Variants in RP1L1 observed in about 807,000 individuals in gnomAD.
RP1L1 encodes the protein RP1 like 1.
Under a neutral mutation model 15.7 loss-of-function variants are expected in RP1L1, and 27 were observed. The ratio of observed to expected loss-of-function variants is 1.72; its 90% CI spans 1.27 to 2.38. The LOEUF (loss-of-function observed/expected upper bound fraction) is 2.38. Among genes scored for constraint, RP1L1 ranks in the 30% most tolerant of loss-of-function variants. RP1L1 has a pLI of 0.00. For missense variants in RP1L1, 4,798 were observed against 3,075.9 expected (o/e 1.56, Z -13.24); for synonymous variants, 1,813 against 1,276.7 (o/e 1.42, Z -8.96).
chr8:10,622,548 G>T (rs571180975), intron 2 of RP1L1, 45 bp downstream of exon 2: 18 of 1,613,220 alleles, frequency 1.1e-5, no homozygotes, highest in Non-Finnish European at 1.4e-5. Context: ...TTGACCTCAG[G>T]TCTAAAGAAC....
At position 10,611,208 on chromosome 8, in the gene RP1L1, T is replaced by C. The variant is rs374936019; in HGVS notation, c.2890A>G (p.Ile964Val). ...EAVVREWLDN[I>V]PEEPILMTYE... ...GTCATGAGTATGGGCTCTTCTGGAATGTTGTCCAGCCATTCGCGGACCACA... is the reference window on the plus strand; with the variant it reads ...GTCATGAGTATGGGCTCTTCTGGAACGTTGTCCAGCCATTCGCGGACCACA... The change falls in exon 4 of 4, where the codon ATT becomes GTT. Residue 964 changes from isoleucine to valine, a missense_variant. By Grantham distance (29) the Ile-to-Val change is conservative (BLOSUM62 3). Coordinates refer to ENST00000382483, the MANE Select transcript of RP1L1 (RefSeq NM_178857.6). The C allele has an allele frequency of 1.9e-6, 3 of 1,612,962 alleles. No individual in the cohort carries two copies. The highest frequency in any genetic ancestry group is 2.7e-5 in the African/African-American group (2 of 75,052).
intron 1 of RP1L1, among the ~76,000 whole-genome samples, chr8:10,639,125 C>T (rs1475518726): frequency 6.7e-6 from 1 of 149,878 alleles, no homozygotes; most frequent in Admixed American, 6.7e-5. Flanking sequence ...GCCTGGATGA[C>T]AGGGTGAGAC....
In RP1L1 at chr8:10,607,670, G is replaced by C. The variant is rs773981339; in HGVS notation, c.6428C>G (p.Pro2143Arg). The C allele has an allele frequency of 1.3e-6, 2 of 1,588,700 alleles. No individual in the cohort carries two copies. Among genetic ancestry groups the C allele is most frequent in the South Asian group, 2.2e-5 (2 of 89,240 alleles). The change falls in exon 4 of 4, where the codon CCT becomes CGT. Residue 2143 changes from proline (P) to arginine (R), a missense_variant. By Grantham distance (103) the Pro-to-Arg change is moderately radical. Coordinates refer to ENST00000382483, the MANE Select transcript of RP1L1 (RefSeq NM_178857.6). ...CTGGGCCTCTACACCTTCTGACTCA[G>C]GCTGGGCCTCCCCTTCAGCCTCTGG... Reference protein sequence around the residue: ...EAPEAEGEAQPESEGVEAQDA... With the variant: ...EAPEAEGEAQRESEGVEAQDA...
chr8:10,624,645 G>A (rs1798128243), intron 1 of RP1L1, among the ~76,000 whole-genome samples: 1 of 150,254 alleles, frequency 6.7e-6, no homozygotes, highest in African/African-American at 2.5e-5. Flanking sequence ...TTTGCAAGCT[G>A]GGGTGGAAGG....
In RP1L1 at chr8:10,608,061, C is replaced by A. The variant is rs754597388; in HGVS notation, c.6037G>T (p.Glu2013Ter). 8 of 1,612,002 alleles carry A rather than the reference C, an allele frequency of 5.0e-6. No homozygotes were observed. The African/African-American group carries it at 9.4e-5, about 19-fold the overall frequency. ...PEAEGEMQEA[E>*]EEAQPESDGV... Reference sequence around the variant, plus strand: ...TCTGACTCTGGCTGGGCCTCCTCTTCTGCCTCTTGCATCTCCCCTTCAGCC... The same window carrying A: ...TCTGACTCTGGCTGGGCCTCCTCTTATGCCTCTTGCATCTCCCCTTCAGCC... The change falls in exon 4 of 4, where the codon GAA (glutamate) becomes TAA (stop). Residue 2013 changes from glutamate (E) to a stop codon, truncating the protein, a stop_gained. Transcript: ENST00000382483. LOFTEE classifies it low-confidence loss of function (END_TRUNC).
At chr8:10,624,080 A>G (rs890479784) in intron 1 of RP1L1, among the ~76,000 whole-genome samples, 2 of 152,186 alleles carry the variant, frequency 1.3e-5, no homozygotes, top group African/African-American at 2.4e-5. Context: ...TCTTGCAGCC[A>G]TGGGGAAGGA....
rs765708710 is a variant in RP1L1, at chr8:10,623,162, G to C, written c.40C>G (p.Arg14Gly). ...TPRNAQAPSHRECFLPSVART... is the reference protein window; with the variant it reads ...TPRNAQAPSHGECFLPSVART... ...GCCACAGAGGGCAGGAAGCACTCAC[G>C]GTGGCTCGGGGCCTGGGCATTCCTG... is the stretch of plus-strand genomic sequence containing the variant. Residue 14 changes from arginine (R) to glycine (G), a missense_variant, in exon 2 of 4, where the codon CGT becomes GGT. By Grantham distance (125) the Arg-to-Gly change is moderately radical (BLOSUM62 -2). Coordinates refer to ENST00000382483, the MANE Select transcript of RP1L1 (RefSeq NM_178857.6). 1 of 1,587,622 alleles carries C rather than the reference G, an allele frequency of 6.3e-7. No individual in the cohort carries two copies. Among genetic ancestry groups the C allele is most frequent in the Non-Finnish European group, 8.6e-7 (1 of 1,165,734 alleles).
rs371377638 is a variant in RP1L1 at position 10,623,167 on chromosome 8, C to A, written c.35G>T (p.Ser12Ile). 2.5e-6 allele frequency: 4 copies of A among 1,584,088 alleles called. No individual in the cohort carries two copies. In the African/African-American group the frequency reaches 5.4e-5, roughly 21 times the overall value. ...NSTPRNAQAP[S>I]HRECFLPSVA... is the part of the protein sequence containing the mutation. The stretch of plus-strand genomic sequence containing the variant: ...AGAGGGCAGGAAGCACTCACGGTGG[C>A]TCGGGGCCTGGGCATTCCTGGGGGT... The change falls in exon 2 of 4, where the codon AGC becomes ATC. Residue 12 changes from serine (S) to isoleucine (I), a missense_variant. By Grantham distance (142) the Ser-to-Ile change is moderately radical (BLOSUM62 -2). Coordinates refer to ENST00000382483, the MANE Select transcript of RP1L1 (RefSeq NM_178857.6).
chr8:10,636,394 GA>G (rs1367921722), intron 1 of RP1L1, among the ~76,000 whole-genome samples: 1 of 152,196 alleles, frequency 6.6e-6, no homozygotes, highest in South Asian at 2.1e-4. Context: ...AGCCTTGGAG[GA>G]ATGAATCAAC....
intron 3 of RP1L1, among the ~76,000 whole-genome samples, chr8:10,614,642 C>G (rs1797935467): frequency 8.5e-6 from 1 of 117,380 alleles, no homozygotes; most frequent in African/African-American, 3.3e-5. Context: ...GCCTGGGTGA[C>G]AGGGTAAGAT....
intron 1 of RP1L1, among the ~76,000 whole-genome samples, chr8:10,637,829 C>A (rs1271886393): frequency 1.3e-5 from 2 of 152,174 alleles, no homozygotes; most frequent in South Asian, 4.2e-4. Context: ...GGATCAGCTT[C>A]AAGATCAAAA....
intron 1 of RP1L1, among the ~76,000 whole-genome samples, chr8:10,631,424 CAT>C (rs1450371067): frequency 1.4e-5 from 2 of 146,340 alleles, no homozygotes; most frequent in Non-Finnish European, 3.1e-5. Context: ...CGCACACACA[CAT>C]GCGCGCACAC....
At position 10,613,246 on chromosome 8, in the gene RP1L1, C is replaced by A. The variant is rs370410297; in HGVS notation, c.852G>T (p.Pro284=). ...GGTGCCTGCCAGGAGCAGGGCCCACCGGGGGGTTGCTAGGACCAGGCCTTT... is the reference window on the plus strand; with the variant it reads ...GGTGCCTGCCAGGAGCAGGGCCCACAGGGGGGTTGCTAGGACCAGGCCTTT... ...LPERPGPSNP[P]VGPAPGRHPQ... Residue 284 remains proline, a synonymous_variant, in exon 4 of 4, where the codon CCG becomes CCT. Transcript: ENST00000382483. 1 of 1,611,968 alleles carries A rather than the reference C, an allele frequency of 6.2e-7. No individual in the cohort carries two copies. The highest frequency in any genetic ancestry group is 1.3e-5 in the African/African-American group (1 of 75,062).
chr8:10,612,197 G>C lies in RP1L1; in HGVS notation c.1901C>G (p.Ser634Cys). The change falls in exon 4 of 4, where the codon TCC (serine) becomes TGC (cysteine). Residue 634 changes from serine (S) to cysteine (C), a missense_variant. By Grantham distance (112) the Ser-to-Cys change is moderately radical. Transcript: ENST00000382483. ...ASSTPSTCTS[S>C]QQGQRRHRSR... ...TCTGTGCCTTCTCTGCCCCTGCTGG[G>C]ATGAAGTGCAGGTGGAAGGGGTGGA... 1 of 1,613,362 alleles carries C rather than the reference G, an allele frequency of 6.2e-7. No homozygotes were observed.
intron 1 of RP1L1, among the ~76,000 whole-genome samples, chr8:10,628,271 T>C (rs1054701027): frequency 1.3e-5 from 2 of 152,200 alleles, no homozygotes; most frequent in Admixed American, 6.5e-5. Context: ...GTGCTGTCCC[T>C]CAATCTGAGA....
chr8:10,614,880 A>C (rs534312436), intron 3 of RP1L1, among the ~76,000 whole-genome samples: 1 of 152,308 alleles, frequency 6.6e-6, no homozygotes, highest in East Asian at 1.9e-4. Context: ...CATATGTAAC[A>C]AACCTGCATG....
intron 1 of RP1L1, among the ~76,000 whole-genome samples, chr8:10,624,426 C>T (rs1300581738): frequency 1.3e-5 from 2 of 152,182 alleles, no homozygotes; most frequent in African/African-American, 2.4e-5. Context: ...TGACTGAATG[C>T]AGAGTAAAAG....
intron 1 of RP1L1, among the ~76,000 whole-genome samples, chr8:10,626,775 C>T (rs997233972): frequency 3.3e-5 from 5 of 152,168 alleles, no homozygotes; most frequent in Non-Finnish European, 7.3e-5. Flanking sequence ...TGACAAAAAG[C>T]GAAGCACAAA....
intron 3 of RP1L1, among the ~76,000 whole-genome samples, chr8:10,615,983 C>A (rs1213661869): frequency 6.6e-6 from 1 of 152,040 alleles, no homozygotes; most frequent in East Asian, 1.9e-4. Context: ...CGGCTCACTG[C>A]AGCCTCAACC....
Sources: allele counts gnomAD v4.1 joint callset (sites outside exome capture counted in the v4.1 genomes callset), GRCh38; gene constraint gnomAD v4.1.1; transcripts MANE v1.5; gene names NCBI Gene and HGNC (gene_info 2026-07-23, HGNC 2026-07-21).